The following FAM181A variants were observed in gnomAD, a reference collection of about 807,000 sequenced individuals.
FAM181A encodes protein FAM181A.
FAM181A carries 7 observed loss-of-function variants against 16.3 expected under a neutral mutation model. The ratio of observed to expected loss-of-function variants is 0.43; its 90% CI spans 0.24 to 0.81. The LOEUF (loss-of-function observed/expected upper bound fraction) is 0.81, where lower values mean the gene tolerates loss of function less well. Among genes scored for constraint, FAM181A ranks in the 30% least tolerant of loss-of-function variants. The pLI, the probability that FAM181A is intolerant of heterozygous loss-of-function variation, is 0.24. For synonymous variants in FAM181A, 183 were observed against 164.9 expected (o/e 1.11, Z -0.84); for missense variants, 349 against 377.5 (o/e 0.92, Z 0.63).
Position 93,929,090 on chromosome 14 carries a change from C to A in FAM181A, c.805C>A (p.Pro269Thr). ...VDGLGQKVCR[P>T]VVLKPIPTKP... ...CGGCCTGGGGCAGAAGGTGTGCAGG[C>A]CCGTGGTGCTGAAACCCATCCCCAC... The change falls in exon 2 of 2, where the codon CCC (proline) becomes ACC (threonine). Residue 269 changes from proline to threonine, a missense_variant. Physicochemically the swap from Pro to Thr is conservative, Grantham distance 38. Transcript: ENST00000556222. 1 of 1,547,922 alleles carries A rather than the reference C, an allele frequency of 6.5e-7. No individual in the cohort carries two copies. The highest frequency in any genetic ancestry group is 8.7e-7 in the Non-Finnish European group (1 of 1,147,692).
At chr14:93,920,192 T>C (rs921722506) in intron 1 of FAM181A, among the ~76,000 whole-genome samples, 1 of 152,126 alleles carries the variant, frequency 6.6e-6, no homozygotes, top group East Asian at 1.9e-4. Flanking sequence ...GATGGGAGGA[T>C]AGCTTGAGCT....
upstream of FAM181A, chr14:93,925,067 C>G (rs570769323): frequency 1.3e-5 from 7 of 539,514 alleles, no homozygotes; most frequent in Non-Finnish European, 2.2e-5. Flanking sequence ...GAAGAACAGC[C>G]CACATTAAGA....
chr14:93,928,948 GC>G lies in FAM181A; in HGVS notation c.666del (p.Ile223SerfsTer50). 1 of 1,614,084 alleles carries G rather than the reference GC, an allele frequency of 6.2e-7. No individual in the cohort carries two copies. Among genetic ancestry groups the G allele is most frequent in the Non-Finnish European group, 8.5e-7 (1 of 1,179,990 alleles). On this transcript the variant is annotated frameshift_variant, in exon 2 of 2. Coordinates refer to ENST00000556222, the MANE Select transcript of FAM181A (RefSeq NM_001207073.2). LOFTEE classifies it high-confidence loss of function. ...GCTGCCCCTTCCAGTACCATGGACAGCCCATCTATCCGGGCCCCCTGGGGGC... is the reference window on the plus strand; with the variant it reads ...GCTGCCCCTTCCAGTACCATGGACAGCCATCTATCCGGGCCCCCTGGGGGC... ...SCCPFQYHGQ[P>X]IYPGPLGALP...
intron 1 of FAM181A, among the ~76,000 whole-genome samples, chr14:93,919,258 C>T (rs938894493): frequency 6.6e-6 from 1 of 152,176 alleles, no homozygotes; most frequent in Non-Finnish European, 1.5e-5. Context: ...CATTATCAAC[C>T]CTGCCAGGGA....
In FAM181A at chr14:93,928,562, G is replaced by A. The variant is rs780847444; in HGVS notation, c.277G>A (p.Gly93Arg). 1.9e-6 allele frequency: 3 copies of A among 1,613,166 alleles called. No individual in the cohort carries two copies. The highest frequency in any genetic ancestry group is 2.5e-6 in the Non-Finnish European group (3 of 1,179,692). The change falls in exon 2 of 2, where the codon GGG (glycine) becomes AGG (arginine). Residue 93 changes from glycine (G) to arginine (R), a missense_variant. Gly to Arg is a moderately radical substitution (Grantham distance 125). Transcript: ENST00000556222. ...CCCTGATTCCAGCCCCGGCGGGGGT[G>A]GGGGCTGCAAGGAGAAGGTGCTGAG... ...LGPDSSPGGG[G>R]GCKEKVLRNP...
At chr14:93,927,653 G>C in intron 1 of FAM181A, 199 bp downstream of exon 1, 3 of 1,280,378 alleles carry the variant, frequency 2.3e-6, no homozygotes, top group African/African-American at 1.5e-5. Context: ...TGCCAGACAG[G>C]GGTCCTGCCT....
upstream of FAM181A, chr14:93,927,243 C>T (rs905225939): frequency 7.5e-5 from 74 of 993,098 alleles, no homozygotes; most frequent in Non-Finnish European, 8.9e-5. Context: ...GGGGCGCCGC[C>T]GCCTGATTGG....
At chr14:93,920,818 CTT>C (rs1162571453) in intron 1 of FAM181A, among the ~76,000 whole-genome samples, 1 of 152,228 alleles carries the variant, frequency 6.6e-6, no homozygotes, top group Non-Finnish European at 1.5e-5. Flanking sequence ...ACATAGAACT[CTT>C]TGCCTGAACC....
chr14:93,928,619 G>T lies in FAM181A; in HGVS notation c.334G>T (p.Glu112Ter). The change falls in exon 2 of 2, where the codon GAG becomes TAG. Residue 112 changes from glutamate (E) to a stop codon, truncating the protein, a stop_gained. Coordinates refer to ENST00000556222, the MANE Select transcript of FAM181A (RefSeq NM_001207073.2). LOFTEE classifies it high-confidence loss of function. Reference sequence around the variant, plus strand: ...CTACAGGGAGGAATGTCTTGCTAAGGAGCAGCTCCCACAGAGGCAGCATCC... The same window carrying T: ...CTACAGGGAGGAATGTCTTGCTAAGTAGCAGCTCCCACAGAGGCAGCATCC... ...NPYREECLAK[E>*]QLPQRQHPEA... 1 of 1,613,944 alleles carries T rather than the reference G, an allele frequency of 6.2e-7. No individual in the cohort carries two copies. Among genetic ancestry groups the T allele is most frequent in the Non-Finnish European group, 8.5e-7 (1 of 1,179,984 alleles).
chr14:93,923,855 AG>A (rs1192881273), upstream of FAM181A: 1 of 152,256 alleles, frequency 6.6e-6, no homozygotes. Flanking sequence ...ATAGTCCTGT[AG>A]GATTACAGAC....
upstream of FAM181A, among the ~76,000 whole-genome samples, chr14:93,922,683 C>G (rs1488283305): frequency 6.6e-6 from 1 of 152,112 alleles, no homozygotes; most frequent in African/African-American, 2.4e-5. Context: ...GAGCGAGACT[C>G]TATCTCAAAA....
upstream of FAM181A, chr14:93,923,601 C>T (rs1270796952): frequency 6.6e-6 from 1 of 152,226 alleles, no homozygotes; most frequent in African/African-American, 2.4e-5. Flanking sequence ...TCCCTGCACA[C>T]AGTAGGTGTT....
At chr14:93,924,978 T>A (rs1182833196), upstream of FAM181A, 10 of 427,680 alleles carry the variant, frequency 2.3e-5, no homozygotes, top group Non-Finnish European at 4.1e-5. Flanking sequence ...AAGAATCCAT[T>A]TTCTTCCACT....
rs202214996 is a variant in FAM181A, at chr14:93,919,853, AAG to A, written c.-225+862_-225+863del. On this transcript the variant is annotated intron_variant, in intron 1 of 2. Transcript: ENST00000267594. ...TGCTGAGAGGAAATTTTATAGCACT[AAG>A]AGGCCTACATTAGAAAACAAGAAAG... 8.9e-4 allele frequency among the ~76,000 whole-genome samples: 135 copies of A among 152,298 alleles called. No individual in the cohort carries two copies. The East Asian group carries it at 0.025, about 28-fold the overall frequency.
chr14:93,923,848 G>A (rs1887810583), upstream of FAM181A: 1 of 152,252 alleles, frequency 6.6e-6, no homozygotes, highest in African/African-American at 2.4e-5. Context: ...ATGTGCCATA[G>A]TCCTGTAGGA....
upstream of FAM181A, among the ~76,000 whole-genome samples, chr14:93,924,390 A>T (rs1887827179): frequency 6.6e-6 from 1 of 152,216 alleles, no homozygotes; most frequent in Admixed American, 6.5e-5. Flanking sequence ...CACCAACTGT[A>T]AATGGGAAAA....
At position 93,928,234 on chromosome 14, in the gene FAM181A, C is replaced by A; in HGVS notation, c.-52C>A. ...TGCCCTTCCTTGGAGCTGCCGGCCACCAGCAGAGCCTACCCTCTTCATGGA... is the reference window on the plus strand; with the variant it reads ...TGCCCTTCCTTGGAGCTGCCGGCCAACAGCAGAGCCTACCCTCTTCATGGA... On this transcript the variant is annotated 5_prime_UTR_variant, in exon 2 of 2. Transcript: ENST00000556222. 6.2e-7 allele frequency: 1 copy of A among 1,613,636 alleles called. No individual in the cohort carries two copies.
At position 93,929,213 on chromosome 14, in the gene FAM181A, A is replaced by C. The variant is rs1362874761; in HGVS notation, c.*49A>C. 1 of 1,499,078 alleles carries C rather than the reference A, an allele frequency of 6.7e-7. No homozygotes were observed. The highest frequency in any genetic ancestry group is 1.4e-5 in the African/African-American group (1 of 71,538). The allele number at this position is 1,499,078 out of a possible 1,614,324, so 92.9% of individuals were successfully genotyped here. A position where few individuals can be genotyped will look rare whatever the true frequency, so the allele number is the denominator to read the frequency against. Reference sequence around the variant, plus strand: ...CCACCTCTGGCCTGCAGGAGTGTCGAGGTCCCCGAGGCGCTCTCCTGTGAG... The same window carrying C: ...CCACCTCTGGCCTGCAGGAGTGTCGCGGTCCCCGAGGCGCTCTCCTGTGAG... On this transcript the variant is annotated 3_prime_UTR_variant, in exon 2 of 2. Coordinates refer to ENST00000556222, the MANE Select transcript of FAM181A (RefSeq NM_001207073.2).
chr14:93,925,332 A>T, upstream of FAM181A: 2 of 1,613,648 alleles, frequency 1.2e-6, no homozygotes, highest in Non-Finnish European at 1.7e-6. Context: ...CACAAATCAC[A>T]GAAGGCCTGG....
Sources: gnomAD v4.1 joint callset for allele counts (sites outside exome capture counted in the v4.1 genomes callset) on GRCh38, gnomAD v4.1.1 for gene constraint, MANE v1.5 for transcripts, NCBI Gene and HGNC (gene_info 2026-07-23, HGNC 2026-07-21) for gene names.